GRIA4: variants seen among roughly 807,000 people sequenced by gnomAD.
The protein encoded by GRIA4 is glutamate receptor 4.
In GRIA4, 34 loss-of-function variants were observed where a neutral mutation model predicts 104.0. The ratio of observed to expected loss-of-function variants is 0.33; its 90% CI spans 0.25 to 0.44. GRIA4 has a LOEUF of 0.44. GRIA4 is among the 20% of genes least tolerant of loss of function. The pLI is 1.00. For missense variants in GRIA4, 750 were observed against 1,096.5 expected, an observed-to-expected ratio of 0.68 and a Z score of 4.46; for synonymous variants, 386 against 381.9, an observed-to-expected ratio of 1.01 and a Z score of -0.13.
chr11:105,751,472 G>A (rs1481482140), intron 3 of GRIA4, among the ~76,000 whole-genome samples: 1 of 152,078 alleles, frequency 6.6e-6, no homozygotes, highest in African/African-American at 2.4e-5. Context: ...CTTATATCTT[G>A]CAAGAAAATT....
chr11:105,857,025 G>A (rs888953570), intron 4 of GRIA4, among the ~76,000 whole-genome samples: 5 of 151,986 alleles, frequency 3.3e-5, no homozygotes, highest in East Asian at 1.9e-4. Context: ...TTTGAACTAC[G>A]GCATAAATAA....
At chr11:105,827,262 T>C (rs989724355) in intron 4 of GRIA4, among the ~76,000 whole-genome samples, 3 of 151,994 alleles carry the variant, frequency 2.0e-5, no homozygotes, top group African/African-American at 7.2e-5. Context: ...AGACTAAGAA[T>C]CAAGAAAATA....
chr11:105,964,869 C>T (rs1948826416), intron 14 of GRIA4, among the ~76,000 whole-genome samples: 1 of 151,234 alleles, frequency 6.6e-6, no homozygotes, highest in African/African-American at 2.4e-5. Flanking sequence ...TGCAATGGCA[C>T]AATCTTGGCT....
intron 4 of GRIA4, among the ~76,000 whole-genome samples, chr11:105,782,507 T>G (rs940064793): frequency 4.6e-5 from 7 of 152,172 alleles, no homozygotes; most frequent in African/African-American, 1.7e-4. Context: ...TCATTTTCCA[T>G]TACGCTGCAT....
intron 6 of GRIA4, among the ~76,000 whole-genome samples, chr11:105,895,282 T>C (rs1464608895): frequency 1.3e-5 from 2 of 152,114 alleles, no homozygotes; most frequent in African/African-American, 2.4e-5. Context: ...TGTGTGTGTA[T>C]GTGATTTACT....
chr11:105,774,009 G>A (rs893491884), intron 4 of GRIA4, among the ~76,000 whole-genome samples: 2 of 151,458 alleles, frequency 1.3e-5, no homozygotes, highest in Non-Finnish European at 2.9e-5. Context: ...ATGCTACAAA[G>A]AGAATAAATT....
At chr11:105,933,586 T>G in intron 13 of GRIA4, 136 bp from the exon 14 acceptor site, 1 of 604,070 alleles carries the variant, frequency 1.7e-6, no homozygotes, top group Non-Finnish European at 2.9e-6. Flanking sequence ...ATATTACTAT[T>G]ATGTTACTCT....
chr11:105,910,617 A>G, intron 10 of GRIA4, 72 bp downstream of exon 10: 1 of 786,784 alleles, frequency 1.3e-6, no homozygotes, highest in South Asian at 1.4e-5. Context: ...GCGACGGTGA[A>G]CAGGGAGGGC....
At chr11:105,818,774 A>G (rs558835149) in intron 4 of GRIA4, among the ~76,000 whole-genome samples, 9 of 152,308 alleles carry the variant, frequency 5.9e-5, no homozygotes, top group Non-Finnish European at 1.2e-4. Context: ...GCTTGAGCTA[A>G]TAGCCAGATA....
chr11:105,816,814 C>T (rs1034278937), intron 4 of GRIA4, among the ~76,000 whole-genome samples: 3 of 151,958 alleles, frequency 2.0e-5, no homozygotes, highest in South Asian at 2.1e-4. Context: ...GAAACTGAGA[C>T]CAGCCTGGGC....
intron 4 of GRIA4, among the ~76,000 whole-genome samples, chr11:105,858,697 C>T (rs1565293486): frequency 6.6e-6 from 1 of 152,080 alleles, no homozygotes; most frequent in Non-Finnish European, 1.5e-5. Flanking sequence ...CATCATTCTA[C>T]TATCTCCAAT....
intron 4 of GRIA4, among the ~76,000 whole-genome samples, chr11:105,837,541 C>T (rs1944238320): frequency 6.6e-6 from 1 of 152,054 alleles, no homozygotes; most frequent in East Asian, 1.9e-4. Context: ...TCTTCATTTT[C>T]TCAGTGAAGT....
intron 15 of GRIA4, among the ~76,000 whole-genome samples, chr11:105,974,071 T>G (rs1459093204): frequency 1.3e-5 from 2 of 152,168 alleles, no homozygotes; most frequent in African/African-American, 4.8e-5. Context: ...GATAAAATGT[T>G]ACTGATTTCA....
intron 11 of GRIA4, among the ~76,000 whole-genome samples, chr11:105,923,839 A>G (rs1176223813): frequency 6.6e-6 from 1 of 152,198 alleles, no homozygotes; most frequent in Non-Finnish European, 1.5e-5. Flanking sequence ...ATTGGAAAAT[A>G]TCGTCAAACA....
intron 5 of GRIA4, among the ~76,000 whole-genome samples, chr11:105,870,421 G>A (rs1044431688): frequency 1.3e-5 from 2 of 151,740 alleles, no homozygotes; most frequent in African/African-American, 4.8e-5. Flanking sequence ...CATTTATCCA[G>A]TACCTACTAA....
intron 3 of GRIA4, among the ~76,000 whole-genome samples, chr11:105,657,364 C>G (rs1306736441): frequency 6.6e-6 from 1 of 151,822 alleles, no homozygotes. Flanking sequence ...TCCCCAAAAA[C>G]CTACTGAAAT....
At chr11:105,945,581 T>G (rs1948286941) in intron 14 of GRIA4, 1 of 268,888 alleles carries the variant, frequency 3.7e-6, no homozygotes, top group Non-Finnish European at 5.7e-6. Context: ...TTTTAATCCC[T>G]TTTTCTTTAT....
At chr11:105,974,600 G>A in intron 16 of GRIA4, 156 bp downstream of exon 16, 2 of 1,580,632 alleles carry the variant, frequency 1.3e-6, no homozygotes, top group Non-Finnish European at 1.7e-6. Flanking sequence ...GATGCATCCT[G>A]TGAACGCAGT....
chr11:105,714,189 T>C (rs1282961135), intron 3 of GRIA4, among the ~76,000 whole-genome samples: 1 of 152,050 alleles, frequency 6.6e-6, no homozygotes, highest in Non-Finnish European at 1.5e-5. Flanking sequence ...ATGTCAAGAC[T>C]GTTTAGTAAT....
Sources: allele counts gnomAD v4.1 joint callset (sites outside exome capture counted in the v4.1 genomes callset), GRCh38; gene constraint gnomAD v4.1.1; transcripts MANE v1.5; gene names NCBI Gene and HGNC (gene_info 2026-07-23, HGNC 2026-07-21).